SERINC2: variants seen among roughly 807,000 people sequenced by gnomAD.
SERINC2 encodes the protein serine incorporator 2, also known as tumor differentially expressed protein 2.
SERINC2 carries 56 observed loss-of-function variants against 54.2 expected under a neutral mutation model. That is an observed-to-expected ratio of 1.03 (90% CI 0.83 to 1.29). The LOEUF is 1.29. Among genes scored for constraint, SERINC2 ranks in the 50% most tolerant of loss-of-function variants. The probability of loss-of-function intolerance (pLI) is 0.00; values close to 1 mark genes in which losing one functional copy is unlikely to be tolerated. For missense variants in SERINC2, 614 were observed against 607.4 expected (o/e 1.01, Z -0.12); for synonymous variants, 272 against 253.1 (o/e 1.07, Z -0.71).
At chr1:31,424,173 T>C (rs1640971462) in intron 2 of SERINC2, among the ~76,000 whole-genome samples, 1 of 152,166 alleles carries the variant, frequency 6.6e-6, no homozygotes, top group African/African-American at 2.4e-5. Context: ...TCTCAGTGTT[T>C]TACAGCCTAG....
intron 7 of SERINC2, 109 bp downstream of exon 7, chr1:31,429,177 C>T: frequency 3.6e-6 from 4 of 1,100,986 alleles, no homozygotes; most frequent in Non-Finnish European, 5.5e-6. Context: ...CTGCTCCAGC[C>T]CATTCTGAGA....
chr1:31,431,490 C>T lies in SERINC2; in HGVS notation c.1014-1477C>T, dbSNP rs75762748. On this transcript the variant is annotated intron_variant, in intron 8 of 9. Coordinates refer to ENST00000373709, the MANE Select transcript of SERINC2 (RefSeq NM_178865.5). ...GAGGAGGCCATGAGCACATGGTGGC[C>T]GGTGGCCAAGGAGCTTGGAACTCTT... Among the ~76,000 whole-genome samples the T allele has an allele frequency of 5.7e-3, 860 of 152,078 alleles. 61 individuals carry two copies. In the East Asian group the frequency reaches 0.14, roughly 24 times the overall value.
At chr1:31,414,192 T>A in intron 1 of SERINC2, 1 of 1,364,584 alleles carries the variant, frequency 7.3e-7, no homozygotes, top group South Asian at 1.7e-5. Context: ...ACCTCTGTTC[T>A]GTAGCTGCAG....
chr1:31,432,174 T>TAGGGTGGATAGGGTGGACAGGGTGGAC (rs1570070154), intron 8 of SERINC2, among the ~76,000 whole-genome samples: 1 of 24,320 alleles, frequency 4.1e-5, no homozygotes, highest in African/African-American at 7.8e-5. Context: ...ATAGGGTGGA[T>TAGGGTGGATAGGGTGGACAGGGTGGAC]AGGGTGGATA....
chr1:31,424,266 T>A (rs1640974202), intron 2 of SERINC2, among the ~76,000 whole-genome samples: 1 of 151,764 alleles, frequency 6.6e-6, no homozygotes, highest in Non-Finnish European at 1.5e-5. Context: ...CCCTGGGGAG[T>A]TTGTAGAAAT....
chr1:31,425,777 C>G lies in SERINC2; in HGVS notation c.474C>G (p.Ile158Met), dbSNP rs1641025321. The change falls in exon 5 of 10, where the codon ATC (isoleucine) becomes ATG (methionine). Residue 158 changes from isoleucine to methionine, a missense_variant and splice_region_variant. Transcript: ENST00000373709. The part of the protein sequence containing the change: ...FYIPDGSFTN[I>M]WFYFGVVGSF... Reference sequence around the variant, plus strand: ...CCTCACTCCCCTCTCCCCACCCAGTCTGGTTCTACTTCGGCGTCGTGGGCT... The same window carrying G: ...CCTCACTCCCCTCTCCCCACCCAGTGTGGTTCTACTTCGGCGTCGTGGGCT... The G allele has an allele frequency of 3.1e-6, 5 of 1,612,782 alleles. No homozygotes were observed. The highest frequency in any genetic ancestry group is 4.2e-6 in the Non-Finnish European group (5 of 1,179,738).
rs782528724 is a variant in SERINC2 at position 31,426,831 on chromosome 1, T to C, written c.780+8T>C. On this transcript the variant is annotated splice_region_variant and intron_variant, in intron 6 of 9. Transcript: ENST00000373709. Reference sequence around the variant, plus strand: ...GTCCTGCCCAAGGTCCAGGTGAGCCTGCCTGACCCCCCCTGGCCTGAAGCC... The same window carrying C: ...GTCCTGCCCAAGGTCCAGGTGAGCCCGCCTGACCCCCCCTGGCCTGAAGCC... 29 of 1,611,490 alleles carry C rather than the reference T, an allele frequency of 1.8e-5. No homozygotes were observed. The highest frequency in any genetic ancestry group is 6.7e-5 in the Admixed American group (4 of 59,912).
intron 8 of SERINC2, among the ~76,000 whole-genome samples, chr1:31,432,035 TGGACAG>T (rs1641265631): frequency 3.1e-5 from 4 of 129,998 alleles, no homozygotes; most frequent in Non-Finnish European, 4.8e-5. Flanking sequence ...GTGGACAGGG[TGGACAG>T]GGTGGACAGG....
rs782698468 is a variant in SERINC2 at position 31,423,712 on chromosome 1, C to T, written c.59C>T (p.Ser20Phe). 1.2e-6 allele frequency: 2 copies of T among 1,610,462 alleles called. No individual in the cohort carries two copies. Among genetic ancestry groups the T allele is most frequent in the South Asian group, 1.1e-5 (1 of 91,084 alleles). Residue 20 changes from serine (S) to phenylalanine (F), a missense_variant, in exon 2 of 10, where the codon TCT becomes TTT. By Grantham distance (155) the Ser-to-Phe change is radical. Transcript: ENST00000373709. ...CCGCAGGCGTCCTGCCTCTGCGGCTCTGCCCCCTGCATCCTGTGCAGCTGC... is the reference window on the plus strand; with the variant it reads ...CCGCAGGCGTCCTGCCTCTGCGGCTTTGCCCCCTGCATCCTGTGCAGCTGC... The part of the protein sequence containing the change: ...LLSCASCLCG[S>F]APCILCSCCP...
At chr1:31,432,088 G>A (rs1553134695) in intron 8 of SERINC2, among the ~76,000 whole-genome samples, 24 of 122,972 alleles carry the variant, frequency 2.0e-4, no homozygotes, top group East Asian at 2.7e-4. Flanking sequence ...GGTGGTTAGG[G>A]TGGACAGGGT....
At chr1:31,426,100 G>A (rs1244679016) in intron 5 of SERINC2, 187 bp downstream of exon 5, 8 of 631,646 alleles carry the variant, frequency 1.3e-5, no homozygotes, top group Non-Finnish European at 2.1e-5. Context: ...ATGACTTCAG[G>A]GAATCCGAGG....
Position 31,413,765 on chromosome 1 carries a change from G to T in SERINC2, c.39+461G>T. 7.4e-7 allele frequency: 1 copy of T among 1,350,188 alleles called. No individual in the cohort carries two copies. Among genetic ancestry groups the T allele is most frequent in the African/African-American group, 1.5e-5 (1 of 65,616 alleles). 83.6% of individuals were successfully genotyped at this position (1,350,188 alleles called of 1,614,324 possible). ...AGTGCCCTGCCCTACCCCTCTGGCC[G>T]CCTGCCAGTCCGCCTGTTCCTGTCG... On this transcript the variant is annotated intron_variant, in intron 1 of 9. Coordinates refer to ENST00000373709, the MANE Select transcript of SERINC2 (RefSeq NM_178865.5). The surrounding 1 kb of genome is among the most constrained non-coding windows in gnomAD (Gnocchi z 5.0).
chr1:31,429,419 G>T lies in SERINC2; in HGVS notation c.894G>T (p.Leu298Phe). The change falls in exon 8 of 10, where the codon TTG (leucine) becomes TTT (phenylalanine). Residue 298 changes from leucine to phenylalanine, a missense_variant. Leu to Phe is a conservative substitution (Grantham distance 22, BLOSUM62 0). Coordinates refer to ENST00000373709, the MANE Select transcript of SERINC2 (RefSeq NM_178865.5). Reference sequence around the variant, plus strand: ...CAGAACAGAAATGCAACCCCCATTTGCCAACCCAGCTGGGCAACGAGACAG... The same window carrying T: ...CAGAACAGAAATGCAACCCCCATTTTCCAACCCAGCTGGGCAACGAGACAG... ...SIPEQKCNPHLPTQLGNETVV... is the reference protein window; with the variant it reads ...SIPEQKCNPHFPTQLGNETVV... 1 of 1,613,286 alleles carries T rather than the reference G, an allele frequency of 6.2e-7. No homozygotes were observed. Among genetic ancestry groups the T allele is most frequent in the Admixed American group, 1.7e-5 (1 of 59,908 alleles).
Position 31,434,149 on chromosome 1 carries a change from C to T in SERINC2, c.1318C>T (p.Leu440=). 1 of 1,613,936 alleles carries T rather than the reference C, an allele frequency of 6.2e-7. No homozygotes were observed. Among genetic ancestry groups the T allele is most frequent in the South Asian group, 1.1e-5 (1 of 91,086 alleles). ...CAGCTGGGCAGGGCTGCTCCTCTAC[C>T]TGTGGACCCTGGTAGCCCCACTCCT... The part of the protein sequence containing the change: ...CASWAGLLLY[L]WTLVAPLLLR... The change falls in exon 10 of 10, where the codon CTG becomes TTG. Residue 440 remains leucine (L), a synonymous_variant. Coordinates refer to ENST00000373709, the MANE Select transcript of SERINC2 (RefSeq NM_178865.5).
chr1:31,428,833 C>T, intron 6 of SERINC2, 145 bp from the exon 7 acceptor site: 1 of 671,020 alleles, frequency 1.5e-6, no homozygotes, highest in Non-Finnish European at 2.7e-6. Flanking sequence ...GGTAGGTGGC[C>T]TGCTTGGTGT....
At chr1:31,410,500 A>C, upstream of SERINC2, 1 of 1,540,196 alleles carries the variant, frequency 6.5e-7, no homozygotes, top group Non-Finnish European at 8.7e-7. Flanking sequence ...GGCAGGCAGG[A>C]GGCCAGGACA....
chr1:31,414,321 C>T, intron 1 of SERINC2: 5 of 1,287,886 alleles, frequency 3.9e-6, no homozygotes, highest in Non-Finnish European at 3.9e-6. Flanking sequence ...ATTCAGGCAG[C>T]CCCCTCCCCC....
chr1:31,426,841 C>G lies in SERINC2; in HGVS notation c.780+18C>G, dbSNP rs782016452. On this transcript the variant is annotated intron_variant, in intron 6 of 9. Coordinates refer to ENST00000373709, the MANE Select transcript of SERINC2 (RefSeq NM_178865.5). ...AGGTCCAGGTGAGCCTGCCTGACCC[C>G]CCCTGGCCTGAAGCCCGGCCCCTTA... 46 of 1,608,240 alleles carry G rather than the reference C, an allele frequency of 2.9e-5. No homozygotes were observed. The highest frequency in any genetic ancestry group is 3.3e-4 in the Middle Eastern group (2 of 6,050).
chr1:31,434,363 T>C lies in SERINC2; in HGVS notation c.*164T>C, dbSNP rs1553135402. 1 of 675,038 alleles carries C rather than the reference T, an allele frequency of 1.5e-6. No homozygotes were observed. The highest frequency in any genetic ancestry group is 1.8e-5 in the African/African-American group (1 of 55,214). The allele number at this position is 675,038 out of a possible 1,614,324, so 41.8% of individuals were successfully genotyped here. On this transcript the variant is annotated 3_prime_UTR_variant, in exon 10 of 10. Transcript: ENST00000373709. ...AGCCGGGCCTTCTAGTCGTAGTGCC[T>C]TCAGGGTCCGAGGAGCATCAGGCTC...
Sources: allele counts gnomAD v4.1 joint callset (sites outside exome capture counted in the v4.1 genomes callset), GRCh38; gene constraint gnomAD v4.1.1; non-coding constraint Gnocchi (gnomAD v3.1); transcripts MANE v1.5; gene names NCBI Gene and HGNC (gene_info 2026-07-23, HGNC 2026-07-21).